UGT3A1: variants seen among roughly 807,000 people sequenced by gnomAD.
The protein encoded by UGT3A1 is UDP glycosyltransferase family 3 member A1.
In UGT3A1, 40 loss-of-function variants were observed where a neutral mutation model predicts 37.6. The ratio of observed to expected loss-of-function variants is 1.06; its 90% CI spans 0.83 to 1.38. UGT3A1 has a LOEUF of 1.38. Ranked by LOEUF, UGT3A1 falls within the 40% of genes most tolerant of loss-of-function variation. The pLI, the probability that UGT3A1 is intolerant of heterozygous loss-of-function variation, is 0.00. For missense variants in UGT3A1, 642 were observed against 634.2 expected (o/e 1.01, Z -0.13); for synonymous variants, 256 against 232.3 (o/e 1.10, Z -0.93).
At chr5:35,993,538 G>A (rs1741018954), upstream of UGT3A1, among the ~76,000 whole-genome samples, 1 of 151,746 alleles carries the variant, frequency 6.6e-6, no homozygotes, top group African/African-American at 2.4e-5. Flanking sequence ...CCCCTTACAT[G>A]AAAATTGTGT....
intron 2 of UGT3A1, among the ~76,000 whole-genome samples, chr5:35,975,763 T>G (rs961285949): frequency 6.6e-6 from 1 of 152,202 alleles, no homozygotes; most frequent in African/African-American, 2.4e-5. Context: ...GTTGCATATG[T>G]ATACATGTGC....
chr5:35,965,707 A>C lies in UGT3A1; in HGVS notation c.522T>G (p.Asp174Glu). Residue 174 changes from aspartate (D) to glutamate (E), a missense_variant, in exon 4 of 7, where the codon GAT becomes GAG. Asp to Glu is a conservative substitution (Grantham distance 45, BLOSUM62 2). Transcript: ENST00000274278. ...AILPTTFGSLDFGLPSPLSYV... is the reference protein window; with the variant it reads ...AILPTTFGSLEFGLPSPLSYV... ...AAGACAAGGGGCTTGGTAGCCCAAA[A>C]TCCAAAGAGCCGAATGTGGTGGGAA... The C allele has an allele frequency of 6.2e-7, 1 of 1,614,178 alleles. No homozygotes were observed. The highest frequency in any genetic ancestry group is 8.5e-7 in the Non-Finnish European group (1 of 1,180,018).
chr5:35,954,282 C>T lies in UGT3A1; in HGVS notation c.1492G>A (p.Gly498Ser). 6.2e-7 allele frequency: 1 copy of T among 1,614,154 alleles called. No individual in the cohort carries two copies. The highest frequency in any genetic ancestry group is 8.5e-7 in the Non-Finnish European group (1 of 1,180,032). The change falls in exon 7 of 7, where the codon GGC becomes AGC. Residue 498 changes from glycine to serine, a missense_variant. Physicochemically the swap from Gly to Ser is moderately conservative, Grantham distance 56 (BLOSUM62 0). Transcript: ENST00000274278. ...AGCTTCCCACAAAGCCACATAGTGC[C>T]CAGAGTGAGCCCCAGCAGAAACACA... ...VFVFLLGLTL[G>S]TMWLCGKLLG...
At chr5:35,960,803 G>C (rs1373059285) in intron 4 of UGT3A1, 1 of 152,170 alleles carries the variant, frequency 6.6e-6, no homozygotes, top group Non-Finnish European at 1.5e-5. Context: ...GGGATGCATG[G>C]GGAGCTGGAA....
chr5:35,956,310 C>T (rs920466201), intron 5 of UGT3A1, among the ~76,000 whole-genome samples: 12 of 152,222 alleles, frequency 7.9e-5, no homozygotes, highest in Non-Finnish European at 1.6e-4. Context: ...TTCCTGTCTG[C>T]CTGTCCCACC....
upstream of UGT3A1, among the ~76,000 whole-genome samples, chr5:35,992,511 A>G (rs1450236112): frequency 1.3e-5 from 2 of 152,236 alleles, no homozygotes; most frequent in Non-Finnish European, 2.9e-5. Context: ...AGGACTTGCT[A>G]TCAAGCTTCA....
chr5:35,963,426 C>G (rs1028408690), intron 4 of UGT3A1, among the ~76,000 whole-genome samples: 3 of 152,132 alleles, frequency 2.0e-5, no homozygotes, highest in African/African-American at 7.2e-5. Flanking sequence ...TAGATTGTCT[C>G]AAATGGGCCC....
chr5:35,987,081 G>T (rs1056929132), intron 2 of UGT3A1, among the ~76,000 whole-genome samples: 1 of 151,986 alleles, frequency 6.6e-6, no homozygotes, highest in Non-Finnish European at 1.5e-5. Context: ...AATACTGCGC[G>T]TGAGCACAAA....
At chr5:35,975,137 T>G (rs1270614547) in intron 2 of UGT3A1, among the ~76,000 whole-genome samples, 6 of 152,188 alleles carry the variant, frequency 3.9e-5, no homozygotes, top group Non-Finnish European at 7.4e-5. Flanking sequence ...AACAGCCAGG[T>G]TCCTTCCTCA....
In UGT3A1 at chr5:35,957,311, T is replaced by C. The variant is rs1366397660; in HGVS notation, c.952A>G (p.Asn318Asp). The change falls in exon 5 of 7, where the codon AAT becomes GAT. Residue 318 changes from asparagine to aspartate, a missense_variant. Asn to Asp is a conservative substitution (Grantham distance 23, BLOSUM62 1). Transcript: ENST00000274278. Reference protein sequence around the residue: ...QSQEVLKKMHNAFAHLPQGVI... With the variant: ...QSQEVLKKMHDAFAHLPQGVI... Reference sequence around the variant, plus strand: ...CCTTGAGGGAGGTGGGCAAAGGCATTGTGCATCTTCTTGAGGACTTCCTGG... The same window carrying C: ...CCTTGAGGGAGGTGGGCAAAGGCATCGTGCATCTTCTTGAGGACTTCCTGG... 6.2e-7 allele frequency: 1 copy of C among 1,614,070 alleles called. No individual in the cohort carries two copies. The highest frequency in any genetic ancestry group is 8.5e-7 in the Non-Finnish European group (1 of 1,180,040).
chr5:35,964,030 TA>T (rs201057631), intron 4 of UGT3A1, among the ~76,000 whole-genome samples: 468 of 152,304 alleles, frequency 3.1e-3, no homozygotes, highest in African/African-American at 0.011. Flanking sequence ...AGACAGATGG[TA>T]ACGATAGTTA....
chr5:35,975,835 C>A (rs1740247102), intron 2 of UGT3A1, among the ~76,000 whole-genome samples: 1 of 152,100 alleles, frequency 6.6e-6, no homozygotes, highest in African/African-American at 2.4e-5. Context: ...CTAATGCTAT[C>A]CCTCCCTGAA....
At chr5:35,956,141 T>C (rs941281048) in intron 5 of UGT3A1, among the ~76,000 whole-genome samples, 1 of 152,228 alleles carries the variant, frequency 6.6e-6, no homozygotes, top group African/African-American at 2.4e-5. Context: ...TATTTCTCCA[T>C]CCATGCAGCC....
Position 35,953,887 on chromosome 5 carries a change from G to C in UGT3A1, c.*315C>G. Reference sequence around the variant, plus strand: ...GTGATAGAAGGAGAAATGGGGACTGGAAACTGGGAAGTCATCTAAACAAGG... The same window carrying C: ...GTGATAGAAGGAGAAATGGGGACTGCAAACTGGGAAGTCATCTAAACAAGG... On this transcript the variant is annotated 3_prime_UTR_variant, in exon 7 of 7. Transcript: ENST00000274278. 1 of 271,748 alleles carries C rather than the reference G, an allele frequency of 3.7e-6. No individual in the cohort carries two copies. Among genetic ancestry groups the C allele is most frequent in the Admixed American group, 4.8e-5 (1 of 20,718 alleles). The allele number at this position is 271,748 out of a possible 1,614,324, so 16.8% of individuals were successfully genotyped here.
At position 35,954,115 on chromosome 5, in the gene UGT3A1, G is replaced by A; in HGVS notation, c.*87C>T. ...GATCAGTGGCAGGTGGAGCTGAAGAGAGAACAGAGGGGTGGCGTGTGCTGG... is the reference window on the plus strand; with the variant it reads ...GATCAGTGGCAGGTGGAGCTGAAGAAAGAACAGAGGGGTGGCGTGTGCTGG... On this transcript the variant is annotated 3_prime_UTR_variant, in exon 7 of 7. Transcript: ENST00000274278. The A allele has an allele frequency of 1.4e-6, 2 of 1,419,482 alleles. No homozygotes were observed. The highest frequency in any genetic ancestry group is 1.9e-6 in the Non-Finnish European group (2 of 1,037,966). The allele number at this position is 1,419,482 out of a possible 1,614,324, so 87.9% of individuals were successfully genotyped here.
rs1739787800 is a variant in UGT3A1 at position 35,965,840 on chromosome 5, A to T, written c.389T>A (p.Ile130Lys). Residue 130 changes from isoleucine (I) to lysine (K), a missense_variant, in exon 4 of 7, where the codon ATA becomes AAA. Coordinates refer to ENST00000274278, the MANE Select transcript of UGT3A1 (RefSeq NM_152404.4). ...GTTCTCATTCTTTAAGGAATCCATT[A>T]TATCCTTTCTGCTTAGCAAATAACT... Reference protein sequence around the residue: ...QCSYLLSRKDIMDSLKNENYD... With the variant: ...QCSYLLSRKDKMDSLKNENYD... 3 of 1,613,104 alleles carry T rather than the reference A, an allele frequency of 1.9e-6. No individual in the cohort carries two copies. Among genetic ancestry groups the T allele is most frequent in the African/African-American group, 2.7e-5 (2 of 74,910 alleles).
intron 2 of UGT3A1, among the ~76,000 whole-genome samples, chr5:35,977,119 A>AAAAGAAGGAAGGAAGG (rs1452751412): frequency 1.3e-5 from 2 of 150,400 alleles, no homozygotes; most frequent in Admixed American, 1.3e-4. Context: ...AGAGAGAAAG[A>AAAAGAAGGAAGGAAGG]AAAGAAGGAA....
chr5:35,969,453 G>A (rs946925736), intron 2 of UGT3A1, among the ~76,000 whole-genome samples: 1 of 151,916 alleles, frequency 6.6e-6, no homozygotes, highest in African/African-American at 2.4e-5. Flanking sequence ...AACTTACAAA[G>A]ATGAGCATGT....
chr5:35,973,399 G>A (rs374154729), intron 2 of UGT3A1, among the ~76,000 whole-genome samples: 221 of 152,270 alleles, frequency 1.5e-3, no homozygotes, highest in African/African-American at 5.1e-3. Context: ...AGTTTGATTA[G>A]ATTGAATTTA....
Sources: gnomAD v4.1 joint callset for allele counts (sites outside exome capture counted in the v4.1 genomes callset) on GRCh38, gnomAD v4.1.1 for gene constraint, MANE v1.5 for transcripts, NCBI Gene and HGNC (gene_info 2026-07-23, HGNC 2026-07-21) for gene names.